Variants in MARK3 observed in about 807,000 individuals in gnomAD.
MARK3 encodes the protein MAP/microtubule affinity-regulating kinase 3.
Under a neutral mutation model 90.1 loss-of-function variants are expected in MARK3, and 46 were observed. The observed-to-expected ratio is 0.51, with a 90% CI of 0.40 to 0.65. MARK3 has a LOEUF of 0.65. Among genes scored for constraint, MARK3 ranks in the 30% least tolerant of loss-of-function variants. MARK3 has a pLI of 0.00. For missense variants in MARK3, 818 were observed against 947.2 expected (o/e 0.86, Z 1.79); for synonymous variants, 321 against 332.6 (o/e 0.97, Z 0.38).
chr14:103,426,438 T>C (rs1378498955), intron 2 of MARK3, among the ~76,000 whole-genome samples: 1 of 152,120 alleles, frequency 6.6e-6, no homozygotes, highest in Non-Finnish European at 1.5e-5. Flanking sequence ...TCCCTGGACT[T>C]TGGCTATAGA....
chr14:103,401,715 A>G (rs2090975831), intron 1 of MARK3, among the ~76,000 whole-genome samples: 2 of 152,222 alleles, frequency 1.3e-5, no homozygotes, highest in Admixed American at 6.5e-5. Flanking sequence ...GCAGTCCTCC[A>G]GGAACTCAGA....
intron 2 of MARK3, among the ~76,000 whole-genome samples, chr14:103,427,423 T>C (rs577042936): frequency 2.5e-4 from 35 of 141,222 alleles, no homozygotes; most frequent in Non-Finnish European, 4.1e-4. Flanking sequence ...CTATGAAAAC[T>C]TGGGAGATGG....
intron 14 of MARK3, among the ~76,000 whole-genome samples, chr14:103,486,111 A>G (rs1384753488): frequency 1.3e-5 from 2 of 152,140 alleles, no homozygotes; most frequent in Non-Finnish European, 2.9e-5. Context: ...CCTGGGCAAC[A>G]TGGTAAAATT....
chr14:103,445,614 G>GCTGTAACT (rs1284214333), intron 3 of MARK3, among the ~76,000 whole-genome samples: 2 of 152,112 alleles, frequency 1.3e-5, no homozygotes, highest in Admixed American at 6.5e-5. Context: ...TATGACCTCT[G>GCTGTAACT]CTGTAACTCA....
At chr14:103,436,083 G>T (rs181373200) in intron 3 of MARK3, among the ~76,000 whole-genome samples, 1 of 152,170 alleles carries the variant, frequency 6.6e-6, no homozygotes, top group South Asian at 2.1e-4. Flanking sequence ...TAGAGACAGG[G>T]TTTCACCGTG....
At chr14:103,455,101 A>C (rs141273303) in intron 5 of MARK3, among the ~76,000 whole-genome samples, 1 of 152,226 alleles carries the variant, frequency 6.6e-6, no homozygotes, top group South Asian at 2.1e-4. Flanking sequence ...TGGTTCCACA[A>C]ATCTCTTAAG....
chr14:103,424,889 G>A (rs557564872), intron 2 of MARK3, among the ~76,000 whole-genome samples: 6 of 152,076 alleles, frequency 3.9e-5, no homozygotes, highest in Non-Finnish European at 7.4e-5. Flanking sequence ...CTGTTTTTTG[G>A]TTACTGATTA....
At chr14:103,406,397 T>TA (rs1566783364) in intron 2 of MARK3, among the ~76,000 whole-genome samples, 3 of 148,414 alleles carry the variant, frequency 2.0e-5, no homozygotes, top group African/African-American at 4.9e-5. Flanking sequence ...GCTAATTATT[T>TA]TTTTTTTTTT....
chr14:103,480,815 A>G (rs1439585683), intron 14 of MARK3, among the ~76,000 whole-genome samples: 2 of 152,186 alleles, frequency 1.3e-5, no homozygotes, highest in Admixed American at 6.6e-5. Context: ...TCTTGTGCTC[A>G]TTAATAACTT....
chr14:103,441,289 GTTTT>G lies in MARK3; in HGVS notation c.298-7626_298-7623del, dbSNP rs1451491411. On this transcript the variant is annotated intron_variant, in intron 3 of 17. Coordinates refer to ENST00000429436, the MANE Select transcript of MARK3 (RefSeq NM_001128918.3). ...CTTTTTATGTCTTTTTTGTTTTTTT[GTTTT>G]TTTGTTTTTGAGACGGAGTTTCGCT... Among the ~76,000 whole-genome samples the G allele has an allele frequency of 3.3e-5, 5 of 150,870 alleles. 1 individual carries two copies. The highest frequency in any genetic ancestry group is 7.4e-5 in the Non-Finnish European group (5 of 67,624).
intron 5 of MARK3, among the ~76,000 whole-genome samples, 178 bp from the exon 6 acceptor site, chr14:103,456,964 G>T (rs1447722690): frequency 6.6e-6 from 1 of 152,176 alleles, no homozygotes; most frequent in Admixed American, 6.5e-5. Flanking sequence ...TAAAGATTTT[G>T]TTGGTGAATT....
intron 15 of MARK3, among the ~76,000 whole-genome samples, chr14:103,495,738 TAA>T (rs1310479763): frequency 6.6e-6 from 1 of 152,238 alleles, no homozygotes; most frequent in Non-Finnish European, 1.5e-5. Context: ...CCTGTCTTGT[TAA>T]AGTTTATTAA....
At chr14:103,428,288 T>C (rs2092474216) in intron 2 of MARK3, 99 bp from the exon 3 acceptor site, 1 of 610,436 alleles carries the variant, frequency 1.6e-6, no homozygotes, top group Non-Finnish European at 2.8e-6. Flanking sequence ...GGTTTGTTGC[T>C]TGCTTGCTTG....
At chr14:103,404,615 G>A (rs1464435095) in intron 1 of MARK3, among the ~76,000 whole-genome samples, 1 of 152,188 alleles carries the variant, frequency 6.6e-6, no homozygotes, top group Non-Finnish European at 1.5e-5. Context: ...TGTTAGCAGT[G>A]TAGTATAGAA....
chr14:103,421,532 G>A (rs1451097038), intron 2 of MARK3, among the ~76,000 whole-genome samples: 2 of 152,166 alleles, frequency 1.3e-5, no homozygotes, highest in Non-Finnish European at 2.9e-5. Context: ...AAGGGGTGAC[G>A]AGTGCCTGGC....
At chr14:103,484,258 A>G (rs1054996505) in intron 14 of MARK3, among the ~76,000 whole-genome samples, 1 of 151,392 alleles carries the variant, frequency 6.6e-6, no homozygotes, top group Non-Finnish European at 1.5e-5. Flanking sequence ...GGTCACTGCA[A>G]CCTCCATCTC....
At chr14:103,469,328 T>C (rs986910534) in intron 12 of MARK3, 1 of 151,832 alleles carries the variant, frequency 6.6e-6, no homozygotes, top group East Asian at 1.9e-4. Flanking sequence ...ATTACAGGCA[T>C]GCACAACCAC....
At chr14:103,417,427 G>A (rs2091995057) in intron 2 of MARK3, 1 of 152,218 alleles carries the variant, frequency 6.6e-6, no homozygotes, top group East Asian at 1.9e-4. Flanking sequence ...AAGGTTTTCA[G>A]ATATTGGGAA....
At chr14:103,431,502 A>G (rs558913349) in intron 3 of MARK3, among the ~76,000 whole-genome samples, 5 of 152,078 alleles carry the variant, frequency 3.3e-5, no homozygotes, top group Admixed American at 6.5e-5. Flanking sequence ...GTGGTGGCAC[A>G]TGCTTATAAT....
Sources: gnomAD v4.1 joint callset for allele counts (sites outside exome capture counted in the v4.1 genomes callset) on GRCh38, gnomAD v4.1.1 for gene constraint, MANE v1.5 for transcripts, NCBI Gene and HGNC (gene_info 2026-07-23, HGNC 2026-07-21) for gene names.